Variants in HPCAL4 observed in about 807,000 individuals in gnomAD.
HPCAL4 encodes hippocalcin-like protein 4.
HPCAL4 carries 16 observed loss-of-function variants against 18.2 expected under a neutral mutation model. The observed-to-expected ratio is 0.88, with a 90% CI of 0.59 to 1.33. The LOEUF (loss-of-function observed/expected upper bound fraction) is 1.33. HPCAL4 is among the 40% of genes most tolerant of loss of function. The pLI is 0.00. For synonymous variants in HPCAL4, 80 were observed against 97.5 expected, an observed-to-expected ratio of 0.82 and a Z score of 1.06; for missense variants, 214 against 256.6, an observed-to-expected ratio of 0.83 and a Z score of 1.14.
intron 1 of HPCAL4, among the ~76,000 whole-genome samples, chr1:39,688,975 G>A (rs1278773295): frequency 6.6e-6 from 1 of 152,014 alleles, no homozygotes; most frequent in Non-Finnish European, 1.5e-5. Flanking sequence ...ACCCTCACCT[G>A]GTGCTGTAGA....
Position 39,683,919 on chromosome 1 carries a change from G to T in HPCAL4, c.378+18C>A. ...AAGCGCTGGCCTCGGGAACAGCAGCGCCCGCGCGGCCCCGCACCTCGATGA... is the reference window on the plus strand; with the variant it reads ...AAGCGCTGGCCTCGGGAACAGCAGCTCCCGCGCGGCCCCGCACCTCGATGA... On this transcript the variant is annotated intron_variant, in intron 3 of 3. Transcript: ENST00000372844. The T allele has an allele frequency of 6.2e-7, 1 of 1,607,166 alleles. No homozygotes were observed. The highest frequency in any genetic ancestry group is 8.5e-7 in the Non-Finnish European group (1 of 1,176,134).
chr1:39,690,235 G>C (rs1425723561), intron 1 of HPCAL4, among the ~76,000 whole-genome samples: 1 of 152,098 alleles, frequency 6.6e-6, no homozygotes, highest in African/African-American at 2.4e-5. Flanking sequence ...GTGCCAGAAG[G>C]CTGTTCAAGT....
Position 39,683,982 on chromosome 1 carries a change from G to A in HPCAL4, c.333C>T (p.Asp111=). The change falls in exon 3 of 4, where the codon GAC becomes GAT. Residue 111 remains aspartate (D), a synonymous_variant. Coordinates refer to ENST00000372844, the MANE Select transcript of HPCAL4 (RefSeq NM_016257.4). ...CCAGGCGCGTGATGCGCCCGTCGCC[G>A]TCCAGGTCGTACATCTCAAAGGCCC... ...LNWAFEMYDL[D]GDGRITRLEM... is the part of the protein sequence containing the mutation. 2 of 1,613,908 alleles carry A rather than the reference G, an allele frequency of 1.2e-6. No individual in the cohort carries two copies. Among genetic ancestry groups the A allele is most frequent in the African/African-American group, 1.3e-5 (1 of 75,048 alleles).
intron 1 of HPCAL4, among the ~76,000 whole-genome samples, chr1:39,686,227 T>C (rs1570476954): frequency 6.7e-6 from 1 of 149,656 alleles, no homozygotes; most frequent in Non-Finnish European, 1.5e-5. Context: ...GGTGCATGCC[T>C]GTAGTCCCAG....
At chr1:39,683,093 G>A (rs368149183) in intron 3 of HPCAL4, among the ~76,000 whole-genome samples, 3 of 152,080 alleles carry the variant, frequency 2.0e-5, no homozygotes, top group East Asian at 1.9e-4. Flanking sequence ...CATGTTGACC[G>A]GGTTGGTCTC....
At chr1:39,691,040 G>C (rs573206847) in intron 1 of HPCAL4, 1 of 152,742 alleles carries the variant, frequency 6.5e-6, no homozygotes, top group African/African-American at 2.4e-5. Context: ...TGTATGTTGG[G>C]GGCCATAGCA....
chr1:39,684,188 G>GGGGGGGGGC, intron 2 of HPCAL4, 36 bp from the exon 3 acceptor site: 1 of 1,423,034 alleles, frequency 7.0e-7, no homozygotes. Flanking sequence ...CGCAGCGACA[G>GGGGGGGGGC]CCCCGCCCAC....
chr1:39,686,314 G>C (rs979969108), intron 1 of HPCAL4, among the ~76,000 whole-genome samples: 2 of 152,140 alleles, frequency 1.3e-5, no homozygotes, highest in Non-Finnish European at 2.9e-5. Flanking sequence ...TGGCACCACT[G>C]TACTACAGCC....
chr1:39,684,664 G>C, intron 1 of HPCAL4, 53 bp from the exon 2 acceptor site: 1 of 1,437,538 alleles, frequency 7.0e-7, no homozygotes, highest in South Asian at 1.5e-5. Context: ...CCCTGCCTCA[G>C]CCACAGCTGC....
At chr1:39,684,319 C>T (rs1646655610) in intron 2 of HPCAL4, 123 bp downstream of exon 2, 8 of 965,916 alleles carry the variant, frequency 8.3e-6, no homozygotes, top group Non-Finnish European at 1.1e-5. Context: ...TGCCTCGCCT[C>T]CCCTCCCACC....
Position 39,680,216 on chromosome 1 carries a change from T to C in HPCAL4, c.*2320A>G, listed in dbSNP as rs1646613996. 1 of 152,514 alleles carries C rather than the reference T, an allele frequency of 6.6e-6. No individual in the cohort carries two copies. 9.4% of individuals were successfully genotyped at this position (152,514 alleles called of 1,614,324 possible). A position where few individuals can be genotyped will look rare whatever the true frequency, so the allele number is the denominator to read the frequency against. On this transcript the variant is annotated 3_prime_UTR_variant, in exon 4 of 4. Coordinates refer to ENST00000372844, the MANE Select transcript of HPCAL4 (RefSeq NM_016257.4). ...ACAGAAATGGACAGGGAAGAGACTC[T>C]GAAAAGAAGAAATCCTCTTAGAGCC...
At position 39,687,329 on chromosome 1, in the gene HPCAL4, C is replaced by G. The variant is rs1646683417; in HGVS notation, c.-8-2718G>C. ...ACCCCTCTCCCAAATCCAAAGGACT[C>G]TCAAGGCTCAGGGTATAGTCAAGGA... On this transcript the variant is annotated intron_variant, in intron 1 of 3. Coordinates refer to ENST00000372844, the MANE Select transcript of HPCAL4 (RefSeq NM_016257.4). Among the ~76,000 whole-genome samples the G allele has an allele frequency of 2.0e-5, 3 of 152,232 alleles. No individual in the cohort carries two copies. The South Asian group carries it at 6.2e-4, about 32-fold the overall frequency.
At chr1:39,686,389 T>C (rs986335383) in intron 1 of HPCAL4, among the ~76,000 whole-genome samples, 5 of 152,104 alleles carry the variant, frequency 3.3e-5, no homozygotes, top group Non-Finnish European at 1.5e-5. Context: ...GGCCACAGCA[T>C]GCAAGATGAC....
chr1:39,684,673 GC>G, intron 1 of HPCAL4, 62 bp from the exon 2 acceptor site: 22 of 1,398,316 alleles, frequency 1.6e-5, no homozygotes, highest in Non-Finnish European at 2.0e-5. Flanking sequence ...AGCCACAGCT[GC>G]CCCCTCCCCT....
At chr1:39,683,898 G>T (rs1455083087) in intron 3 of HPCAL4, 39 bp downstream of exon 3, 14 of 1,573,034 alleles carry the variant, frequency 8.9e-6, no homozygotes, top group East Asian at 2.3e-5. Flanking sequence ...ATGGCGAAGC[G>T]CTGGCCTCGG....
At chr1:39,686,981 C>T (rs1364255146) in intron 1 of HPCAL4, among the ~76,000 whole-genome samples, 1 of 152,202 alleles carries the variant, frequency 6.6e-6, no homozygotes. Flanking sequence ...GCTTCTAATT[C>T]TTACAACTGG....
Position 39,682,360 on chromosome 1 carries a change from G to A in HPCAL4, c.*176C>T. 1.6e-6 allele frequency: 1 copy of A among 614,128 alleles called. No individual in the cohort carries two copies. The highest frequency in any genetic ancestry group is 2.9e-6 in the Non-Finnish European group (1 of 346,960). 38.0% of individuals were successfully genotyped at this position (614,128 alleles called of 1,614,324 possible). ...ACTGGAGGACCTGTCTCTTTTGCAG[G>A]GTGAGGTGGTCCCTCAAAGATCTTG... On this transcript the variant is annotated 3_prime_UTR_variant, in exon 4 of 4. Coordinates refer to ENST00000372844, the MANE Select transcript of HPCAL4 (RefSeq NM_016257.4).
rs1057145433 is a variant in HPCAL4 at position 39,678,948 on chromosome 1, C to T, written c.*3588G>A. ...TCTGGCAAAGGTAAAAAGAAAACCT[C>T]GAAAATTCCAGAAAGAAAATCCCAT... On this transcript the variant is annotated 3_prime_UTR_variant, in exon 4 of 4. Transcript: ENST00000372844. 2 of 152,166 alleles carry T rather than the reference C, an allele frequency of 1.3e-5. No homozygotes were observed. The highest frequency in any genetic ancestry group is 2.4e-5 in the African/African-American group (1 of 41,434). 9.4% of individuals were successfully genotyped at this position (152,166 alleles called of 1,614,324 possible).
At chr1:39,684,837 T>C (rs1335421392) in intron 1 of HPCAL4, among the ~76,000 whole-genome samples, 1 of 152,184 alleles carries the variant, frequency 6.6e-6, no homozygotes, top group Non-Finnish European at 1.5e-5. Flanking sequence ...TCCTCCTCAC[T>C]GACCGTGCAG....
Sources: allele counts gnomAD v4.1 joint callset (sites outside exome capture counted in the v4.1 genomes callset), GRCh38; gene constraint gnomAD v4.1.1; transcripts MANE v1.5; gene names NCBI Gene and HGNC (gene_info 2026-07-23, HGNC 2026-07-21).